KIF13B: variants seen among roughly 807,000 people sequenced by gnomAD.
KIF13B encodes kinesin-like protein KIF13B.
A neutral mutation model predicts 222.0 loss-of-function variants in KIF13B; 127 were observed. That is an observed-to-expected ratio of 0.57 (90% confidence interval 0.50 to 0.66). KIF13B has a LOEUF of 0.66. Ranked by LOEUF, KIF13B falls within the 30% of genes least tolerant of loss-of-function variation. KIF13B has a pLI of 0.00. For missense variants in KIF13B, 2,173 were observed against 2,379.0 expected (o/e 0.91, Z 1.80); for synonymous variants, 976 against 919.0 (o/e 1.06, Z -1.12).
chr8:29,165,389 G>A (rs1179424331), intron 12 of KIF13B, among the ~76,000 whole-genome samples: 1 of 152,176 alleles, frequency 6.6e-6, no homozygotes, highest in African/African-American at 2.4e-5. Context: ...TTAAGAGCCA[G>A]GGGCTACAAA....
rs780623353 is a variant in KIF13B at position 29,127,177 on chromosome 8, A to T, written c.3167T>A (p.Ile1056Asn). 1 of 1,613,986 alleles carries T rather than the reference A, an allele frequency of 6.2e-7. No individual in the cohort carries two copies. Among genetic ancestry groups the T allele is most frequent in the Non-Finnish European group, 8.5e-7 (1 of 1,179,878 alleles). Residue 1056 changes from isoleucine to asparagine, a missense_variant, in exon 25 of 40, where the codon ATT (isoleucine) becomes AAT (asparagine). Ile to Asn is a moderately radical substitution (Grantham distance 149). This residue lies in a region of KIF13B where 1,480 missense variants were observed against 1,722.8 expected (regional missense o/e 0.86). Coordinates refer to ENST00000524189, the MANE Select transcript of KIF13B (RefSeq NM_015254.4). ...GAGCGGTCTAACTTTGACACATCCA[A>T]TGCCAACAGACAGTATACATTCTTC... ...LMEECILSVG[I>N]GCVKVRPLRA...
intron 7 of KIF13B, 144 bp from the exon 8 acceptor site, chr8:29,180,382 A>G (rs1255032985): frequency 1.2e-6 from 1 of 822,866 alleles, no homozygotes; most frequent in African/African-American, 1.7e-5. Flanking sequence ...ATGAATATTG[A>G]GCCCCATGGA....
At chr8:29,251,770 T>C (rs1816294005) in intron 1 of KIF13B, among the ~76,000 whole-genome samples, 1 of 152,216 alleles carries the variant, frequency 6.6e-6, no homozygotes, top group Admixed American at 6.5e-5. Context: ...GGTAAATATA[T>C]TGTATTTCAC....
At position 29,121,079 on chromosome 8, in the gene KIF13B, A is replaced by T. The variant is rs1334379606; in HGVS notation, c.3535+1512T>A. Among the ~76,000 whole-genome samples, 9 of 151,398 alleles carry T rather than the reference A, an allele frequency of 5.9e-5. No individual in the cohort carries two copies. In the East Asian group the frequency reaches 1.8e-3, roughly 30 times the overall value. On this transcript the variant is annotated intron_variant, in intron 29 of 39. Coordinates refer to ENST00000524189, the MANE Select transcript of KIF13B (RefSeq NM_015254.4). ...GAGTTCATTGTAGATTCTGGATATTAGCCCTTTGTCAGATGAGTAGGTTGC... is the reference window on the plus strand; with the variant it reads ...GAGTTCATTGTAGATTCTGGATATTTGCCCTTTGTCAGATGAGTAGGTTGC...
intron 21 of KIF13B, among the ~76,000 whole-genome samples, chr8:29,136,704 T>C (rs914600150): frequency 1.9e-4 from 29 of 151,162 alleles, no homozygotes; most frequent in African/African-American, 6.8e-4. Flanking sequence ...TTCTCCTAGG[T>C]GAAATGGGAA....
intron 16 of KIF13B, among the ~76,000 whole-genome samples, chr8:29,148,065 G>A (rs1811134856): frequency 6.6e-6 from 1 of 152,192 alleles, no homozygotes; most frequent in Non-Finnish European, 1.5e-5. Context: ...AGGCATGGTG[G>A]TGTGCACGCC....
At chr8:29,196,742 T>C (rs1208044356) in intron 2 of KIF13B, among the ~76,000 whole-genome samples, 1 of 152,040 alleles carries the variant, frequency 6.6e-6, no homozygotes, top group Non-Finnish European at 1.5e-5. Flanking sequence ...ACGCTTGAAG[T>C]GTTTTGGGTT....
chr8:29,083,230 T>C (rs1807895464), intron 37 of KIF13B, among the ~76,000 whole-genome samples: 1 of 152,220 alleles, frequency 6.6e-6, no homozygotes. Context: ...AAAAGAATAT[T>C]TCATAACATA....
At chr8:29,080,406 G>T (rs760507212) in intron 37 of KIF13B, among the ~76,000 whole-genome samples, 22 of 151,108 alleles carry the variant, frequency 1.5e-4, no homozygotes, top group South Asian at 4.2e-4. Context: ...CTTTTCTAAG[G>T]TTGTCCTGAC....
intron 2 of KIF13B, among the ~76,000 whole-genome samples, chr8:29,235,597 C>T (rs1815473032): frequency 6.6e-6 from 1 of 152,136 alleles, no homozygotes; most frequent in African/African-American, 2.4e-5. Context: ...GTGGCCCCCA[C>T]TTTCTAGCAG....
intron 11 of KIF13B, among the ~76,000 whole-genome samples, chr8:29,166,144 T>C (rs1811989890): frequency 6.6e-6 from 1 of 152,192 alleles, no homozygotes; most frequent in African/African-American, 2.4e-5. Context: ...CAGGAATTTA[T>C]CCACATATGT....
At chr8:29,150,159 A>G (rs1811235292) in intron 15 of KIF13B, 138 bp downstream of exon 15, 1 of 586,316 alleles carries the variant, frequency 1.7e-6, no homozygotes, top group Non-Finnish European at 3.1e-6. Context: ...ACACATATAT[A>G]ATACACATGC....
rs565692285 is a variant in KIF13B at position 29,080,849 on chromosome 8, G to C, written c.4459-5506C>G. 2.6e-5 allele frequency among the ~76,000 whole-genome samples: 4 copies of C among 152,250 alleles called. 1 individual carries two copies. In the East Asian group the frequency reaches 5.8e-4, roughly 22 times the overall value. ...CAGTGCCTCGAAGGACTCAACACCA[G>C]AAGGCAACCATGGGTTTCTGACCCA... On this transcript the variant is annotated intron_variant, in intron 37 of 39. Coordinates refer to ENST00000524189, the MANE Select transcript of KIF13B (RefSeq NM_015254.4).
At chr8:29,226,016 T>G (rs1815004183) in intron 2 of KIF13B, among the ~76,000 whole-genome samples, 1 of 152,208 alleles carries the variant, frequency 6.6e-6, no homozygotes, top group Non-Finnish European at 1.5e-5. Context: ...CTCTTCACAT[T>G]ATAGATGGAA....
intron 2 of KIF13B, among the ~76,000 whole-genome samples, chr8:29,213,787 A>G (rs560913074): frequency 2.7e-5 from 4 of 150,488 alleles, no homozygotes; most frequent in Non-Finnish European, 4.4e-5. Flanking sequence ...TGTCTCTACT[A>G]AAAATACAAA....
rs370864469 is a variant in KIF13B at position 29,148,667 on chromosome 8, C to T, written c.1723G>A (p.Gly575Arg). 4.3e-5 allele frequency: 69 copies of T among 1,612,722 alleles called. No individual in the cohort carries two copies. The highest frequency in any genetic ancestry group is 3.1e-4 in the African/African-American group (23 of 74,988). ...ENSSEQLDVD[G>R]DSSSEVSSEV... The stretch of plus-strand genomic sequence containing the variant: ...CTGGACACCTCGCTGGAGGAGTCTC[C>T]GTCTACATCCAGCTGCTCAGAACTA... Residue 575 changes from glycine to arginine, a missense_variant, in exon 16 of 40, where the codon GGA becomes AGA. Gly to Arg is a moderately radical substitution (Grantham distance 125). Around this residue, in one of 2 missense-constraint regions of KIF13B, gnomAD observed 1,480 missense variants for 1,722.8 expected, o/e 0.86. Coordinates refer to ENST00000524189, the MANE Select transcript of KIF13B (RefSeq NM_015254.4).
At chr8:29,171,300 C>T (rs1812226358) in intron 10 of KIF13B, among the ~76,000 whole-genome samples, 2 of 152,184 alleles carry the variant, frequency 1.3e-5, no homozygotes, top group South Asian at 2.1e-4. Context: ...GTTGTTCCAT[C>T]CTCCCTGGGA....
At chr8:29,210,773 GT>G (rs1462551510) in intron 2 of KIF13B, among the ~76,000 whole-genome samples, 1 of 152,182 alleles carries the variant, frequency 6.6e-6, no homozygotes, top group Non-Finnish European at 1.5e-5. Flanking sequence ...AAAGAAGAAT[GT>G]TTCAGAGAGT....
At chr8:29,114,509 G>C (rs539999731) in intron 31 of KIF13B, among the ~76,000 whole-genome samples, 2 of 152,332 alleles carry the variant, frequency 1.3e-5, no homozygotes, top group South Asian at 4.1e-4. Flanking sequence ...CTTAGGGGTG[G>C]TGAAGGGAGA....
Sources: allele counts gnomAD v4.1 joint callset (sites outside exome capture counted in the v4.1 genomes callset), GRCh38; gene constraint gnomAD v4.1.1; regional missense constraint gnomAD v4.1.1; transcripts MANE v1.5; gene names NCBI Gene and HGNC (gene_info 2026-07-23, HGNC 2026-07-21).